CFAP299: variants seen among roughly 807,000 people sequenced by gnomAD.
CFAP299 encodes the protein cilia and flagella associated protein 299, also known as cilia- and flagella-associated protein 299.
A neutral mutation model predicts 27.0 loss-of-function variants in CFAP299; 21 were observed. That is an observed-to-expected ratio of 0.78 (90% CI 0.55 to 1.12). The LOEUF (loss-of-function observed/expected upper bound fraction) is 1.12. CFAP299 is among the 50% of genes most tolerant of loss of function. The pLI is 0.00. For synonymous variants in CFAP299, 104 were observed against 98.1 expected (o/e 1.06, Z -0.36); for missense variants, 310 against 276.6 (o/e 1.12, Z -0.86).
At position 80,953,878 on chromosome 4, in the gene CFAP299, G is replaced by A. The variant is rs145132536; in HGVS notation, c.606+8939G>A. The stretch of plus-strand genomic sequence containing the variant: ...AAAGAAAGGTACATATCCCAATAAA[G>A]CATACATGACAAAGAAAAATTATTG... On this transcript the variant is annotated intron_variant, in intron 5 of 5. Transcript: ENST00000358105. Among the ~76,000 whole-genome samples the A allele has an allele frequency of 4.7e-4, 72 of 152,172 alleles. 2 individuals are homozygous for A. The South Asian group carries it at 9.1e-3, about 19-fold the overall frequency.
intron 3 of CFAP299, among the ~76,000 whole-genome samples, chr4:80,681,300 T>G (rs550834666): frequency 2.6e-5 from 4 of 152,122 alleles, no homozygotes; most frequent in Non-Finnish European, 5.9e-5. Context: ...TGTCTGTTAA[T>G]GTTCCATCCA....
chr4:80,336,238 T>C (rs1287906498), intron 1 of CFAP299, among the ~76,000 whole-genome samples: 1 of 152,248 alleles, frequency 6.6e-6, no homozygotes, highest in Non-Finnish European at 1.5e-5. Context: ...AGTCTCCGGC[T>C]GTGATCTAGG....
intron 2 of CFAP299, among the ~76,000 whole-genome samples, chr4:80,439,975 G>A (rs1471129106): frequency 6.6e-6 from 1 of 152,170 alleles, no homozygotes; most frequent in East Asian, 1.9e-4. Flanking sequence ...GCTCTGCAAA[G>A]CCGCTGTAGT....
chr4:80,721,730 A>G (rs927905094), intron 3 of CFAP299, among the ~76,000 whole-genome samples: 3 of 152,186 alleles, frequency 2.0e-5, no homozygotes, highest in African/African-American at 7.2e-5. Flanking sequence ...GGGAAAATAC[A>G]TTTTATAGAG....
chr4:80,367,514 C>A (rs1191962418), intron 2 of CFAP299, among the ~76,000 whole-genome samples: 1 of 151,902 alleles, frequency 6.6e-6, no homozygotes, highest in Non-Finnish European at 1.5e-5. Context: ...GCCCTTTTTT[C>A]TCCAAAAACT....
intron 2 of CFAP299, 71 bp downstream of exon 2, chr4:80,362,955 G>A: frequency 1.3e-6 from 2 of 1,484,178 alleles, no homozygotes; most frequent in Non-Finnish European, 1.8e-6. Context: ...AATTTCGTTT[G>A]CATTGTTTAA....
chr4:80,488,306 C>G (rs951393514), intron 2 of CFAP299, among the ~76,000 whole-genome samples: 4 of 152,068 alleles, frequency 2.6e-5, no homozygotes, highest in Admixed American at 2.6e-4. Flanking sequence ...ATTAAGAGTA[C>G]TGGAATATTG....
intron 3 of CFAP299, among the ~76,000 whole-genome samples, chr4:80,789,782 G>A (rs780136174): frequency 2.0e-5 from 3 of 151,956 alleles, no homozygotes; most frequent in African/African-American, 4.8e-5. Context: ...AAAATTTAAT[G>A]CCTTCTCATC....
At chr4:80,588,998 A>C (rs1255373258) in intron 3 of CFAP299, among the ~76,000 whole-genome samples, 1 of 152,184 alleles carries the variant, frequency 6.6e-6, no homozygotes, top group African/African-American at 2.4e-5. Flanking sequence ...CTGGCTCCAG[A>C]GTCTGATTCT....
chr4:80,669,427 A>T (rs1741344200), intron 3 of CFAP299, among the ~76,000 whole-genome samples: 1 of 151,928 alleles, frequency 6.6e-6, no homozygotes, highest in Non-Finnish European at 1.5e-5. Flanking sequence ...TGCTAGGATT[A>T]CAAGTGTGAG....
At chr4:80,900,535 A>G (rs1420622636) in intron 4 of CFAP299, among the ~76,000 whole-genome samples, 1 of 152,110 alleles carries the variant, frequency 6.6e-6, no homozygotes, top group East Asian at 1.9e-4. Context: ...CATCTAAATA[A>G]ATCTGTTGCT....
At chr4:80,684,287 C>T (rs1033838341) in intron 3 of CFAP299, among the ~76,000 whole-genome samples, 2 of 128,640 alleles carry the variant, frequency 1.6e-5, no homozygotes, top group Non-Finnish European at 3.3e-5. Context: ...GGGGGGGGGA[C>T]GGAGCCTCAC....
At chr4:80,437,262 C>T (rs1293004938) in intron 2 of CFAP299, among the ~76,000 whole-genome samples, 2 of 152,102 alleles carry the variant, frequency 1.3e-5, no homozygotes, top group African/African-American at 4.8e-5. Flanking sequence ...TGTATACATA[C>T]AAAGTCCTAA....
intron 3 of CFAP299, among the ~76,000 whole-genome samples, chr4:80,694,273 C>A (rs1312958091): frequency 6.6e-6 from 1 of 152,154 alleles, no homozygotes; most frequent in Admixed American, 6.6e-5. Flanking sequence ...ACAAGACAGG[C>A]GTTCATCAGC....
intron 2 of CFAP299, among the ~76,000 whole-genome samples, chr4:80,574,911 T>G (rs1735772573): frequency 6.6e-6 from 1 of 152,180 alleles, no homozygotes; most frequent in Admixed American, 6.6e-5. Flanking sequence ...GATATTGGCC[T>G]GTAGTTTTCT....
chr4:80,430,340 A>ACTG (rs1052453531), intron 2 of CFAP299, among the ~76,000 whole-genome samples: 1 of 152,190 alleles, frequency 6.6e-6, no homozygotes, highest in African/African-American at 2.4e-5. Flanking sequence ...AGCATTTGAC[A>ACTG]CTGCTGATCT....
intron 3 of CFAP299, among the ~76,000 whole-genome samples, chr4:80,739,172 T>C (rs1195254003): frequency 6.6e-6 from 1 of 152,174 alleles, no homozygotes; most frequent in Non-Finnish European, 1.5e-5. Context: ...TTTAATCTTT[T>C]TACTTAAGTC....
intron 3 of CFAP299, among the ~76,000 whole-genome samples, chr4:80,613,423 A>T (rs991217734): frequency 1.3e-5 from 2 of 152,126 alleles, no homozygotes; most frequent in Admixed American, 1.3e-4. Flanking sequence ...ATTCAAATAG[A>T]TTTAAATCAT....
At chr4:80,736,279 C>G (rs984285687) in intron 3 of CFAP299, among the ~76,000 whole-genome samples, 1 of 151,970 alleles carries the variant, frequency 6.6e-6, no homozygotes, top group African/African-American at 2.4e-5. Context: ...GGAAGGGATC[C>G]AATTTCAGCT....
Sources: gnomAD v4.1 joint callset for allele counts (sites outside exome capture counted in the v4.1 genomes callset) on GRCh38, gnomAD v4.1.1 for gene constraint, MANE v1.5 for transcripts, NCBI Gene and HGNC (gene_info 2026-07-23, HGNC 2026-07-21) for gene names.